HPSE2: variants seen among roughly 807,000 people sequenced by gnomAD.
HPSE2 encodes the protein inactive heparanase-2.
Under a neutral mutation model 60.5 loss-of-function variants are expected in HPSE2, and 38 were observed. That is an observed-to-expected ratio of 0.63 (90% confidence interval 0.48 to 0.82). The LOEUF (loss-of-function observed/expected upper bound fraction) is 0.82, where lower values mean the gene tolerates loss of function less well. Ranked by LOEUF, HPSE2 falls within the 40% of genes least tolerant of loss-of-function variation. HPSE2 has a pLI of 0.00. For synonymous variants in HPSE2, 295 were observed against 293.2 expected, an observed-to-expected ratio of 1.01 and a Z score of -0.06; for missense variants, 713 against 740.4, an observed-to-expected ratio of 0.96 and a Z score of 0.43.
intron 2 of HPSE2, among the ~76,000 whole-genome samples, chr10:99,158,984 A>G (rs898271032): frequency 1.3e-5 from 2 of 152,176 alleles, no homozygotes; most frequent in African/African-American, 4.8e-5. Context: ...GTTTCAAAAG[A>G]TTCATGAGAC....
intron 3 of HPSE2, among the ~76,000 whole-genome samples, chr10:98,987,994 A>G (rs1032308324): frequency 1.3e-5 from 2 of 152,242 alleles, no homozygotes; most frequent in Admixed American, 6.5e-5. Flanking sequence ...GAAATAAAAT[A>G]GGATACAAAC....
chr10:98,547,403 C>T (rs1425222456), intron 9 of HPSE2, among the ~76,000 whole-genome samples: 6 of 150,666 alleles, frequency 4.0e-5, no homozygotes, highest in Non-Finnish European at 7.4e-5. Context: ...TTGGAACCAA[C>T]CCAAATGTCC....
At position 99,068,287 on chromosome 10, in the gene HPSE2, C is replaced by A. The variant is rs867667939; in HGVS notation, c.610+75951G>T. ...ACAGCAGCGCCCCACTACTCGGTACCAATTTACTGTCTAAGTCTGTTCTCA... is the reference window on the plus strand; with the variant it reads ...ACAGCAGCGCCCCACTACTCGGTACAAATTTACTGTCTAAGTCTGTTCTCA... On this transcript the variant is annotated intron_variant, in intron 3 of 11. Transcript: ENST00000370552. 2.0e-5 allele frequency among the ~76,000 whole-genome samples: 3 copies of A among 152,150 alleles called. No individual in the cohort carries two copies. In the South Asian group the frequency reaches 6.2e-4, roughly 32 times the overall value.
intron 3 of HPSE2, among the ~76,000 whole-genome samples, chr10:98,910,444 T>A (rs1590061210): frequency 2.0e-5 from 3 of 152,344 alleles, no homozygotes; most frequent in Middle Eastern, 3.4e-3. Context: ...GCCAGCAATG[T>A]TCCATTTCTT....
the HPSE2 span, among the ~76,000 whole-genome samples, chr10:99,276,799 T>C: frequency 1.3e-5 from 2 of 152,270 alleles, no homozygotes; most frequent in Non-Finnish European, 2.9e-5. Flanking sequence ...AGTACCCTAG[T>C]ATGTCAAATT....
intron 2 of HPSE2, among the ~76,000 whole-genome samples, chr10:99,209,817 G>A (rs1176993782): frequency 6.6e-6 from 1 of 152,114 alleles, no homozygotes; most frequent in Non-Finnish European, 1.5e-5. Context: ...AGCCTCCCAA[G>A]TAGCTGGGAC....
chr10:98,633,828 G>C (rs1283912352), intron 7 of HPSE2, among the ~76,000 whole-genome samples: 3 of 152,026 alleles, frequency 2.0e-5, no homozygotes, highest in Non-Finnish European at 4.4e-5. Flanking sequence ...CCTGCTCTTG[G>C]GAAAGGATCT....
intron 3 of HPSE2, among the ~76,000 whole-genome samples, chr10:98,749,947 T>TATATATATATATATATACACAC: frequency 1.8e-3 from 179 of 98,452 alleles, no homozygotes; most frequent in Non-Finnish European, 2.5e-3. Flanking sequence ...TATATATATA[T>TATATATATATATATATACACAC]ACACACACAC....
At chr10:99,240,409 CT>C (rs1300852308), upstream of HPSE2, among the ~76,000 whole-genome samples, 1,954 of 117,176 alleles carry the variant, frequency 0.017, 63 homozygotes, top group East Asian at 0.15. Context: ...CAATGATTTT[CT>C]TTTTTTTTTT....
At chr10:98,802,553 G>T (rs531318008) in intron 3 of HPSE2, among the ~76,000 whole-genome samples, 9,078 of 141,420 alleles carry the variant, frequency 0.064, 919 homozygotes, top group African/African-American at 0.22. Flanking sequence ...TCCCACCTAT[G>T]AGTGAGAATA....
rs181827755 is a variant in HPSE2 at position 99,039,903 on chromosome 10, G to A, written c.610+104335C>T. ...GCCAAACAAAAATAACCAGAGTCAG[G>A]GCTGTATATTTACTCACCCTTAATT... is the stretch of plus-strand genomic sequence containing the variant. On this transcript the variant is annotated intron_variant, in intron 3 of 11. Coordinates refer to ENST00000370552, the MANE Select transcript of HPSE2 (RefSeq NM_021828.5). Among the ~76,000 whole-genome samples the A allele has an allele frequency of 1.4e-3, 218 of 152,172 alleles. 3 individuals are homozygous for A. The highest frequency in any genetic ancestry group is 4.9e-3 in the African/African-American group (205 of 41,532).
intron 4 of HPSE2, among the ~76,000 whole-genome samples, chr10:98,735,822 A>C (rs1285971972): frequency 6.6e-6 from 1 of 152,124 alleles, no homozygotes; most frequent in East Asian, 1.9e-4. Flanking sequence ...TCTACCATTT[A>C]TCTAGGAAGT....
intron 9 of HPSE2, among the ~76,000 whole-genome samples, chr10:98,493,908 T>C (rs1006217927): frequency 5.9e-5 from 9 of 152,256 alleles, no homozygotes; most frequent in Non-Finnish European, 1.3e-4. Context: ...TATTTTTTAG[T>C]GAAATGTTTA....
At chr10:98,949,551 A>T (rs1955293435) in intron 3 of HPSE2, among the ~76,000 whole-genome samples, 1 of 152,194 alleles carries the variant, frequency 6.6e-6, no homozygotes, top group Non-Finnish European at 1.5e-5. Context: ...GAATCAGGCA[A>T]TTCTTACAAC....
the HPSE2 span, among the ~76,000 whole-genome samples, chr10:99,265,604 G>C: frequency 2.5e-4 from 38 of 152,206 alleles, no homozygotes; most frequent in Non-Finnish European, 5.0e-4. Context: ...GAAGAAAGGA[G>C]TGAAAGCGAA....
rs141450327 is a variant in HPSE2, at chr10:98,597,118, G to A, written c.1320+17786C>T. Among the ~76,000 whole-genome samples the A allele has an allele frequency of 2.0e-5, 3 of 151,908 alleles. No individual in the cohort carries two copies. In the East Asian group the frequency reaches 5.8e-4, roughly 29 times the overall value. On this transcript the variant is annotated intron_variant, in intron 9 of 11. Coordinates refer to ENST00000370552, the MANE Select transcript of HPSE2 (RefSeq NM_021828.5). Reference sequence around the variant, plus strand: ...TTACTCACTATCATGAGAACAGCATGGGGGAAACTGCCCCCATGATTCAAT... The same window carrying A: ...TTACTCACTATCATGAGAACAGCATAGGGGAAACTGCCCCCATGATTCAAT...
At chr10:98,638,337 C>T (rs938654930) in intron 7 of HPSE2, among the ~76,000 whole-genome samples, 8 of 151,384 alleles carry the variant, frequency 5.3e-5, no homozygotes, top group Admixed American at 2.0e-4. Flanking sequence ...CCCAGCTACT[C>T]GGGAGGCTGC....
At chr10:99,305,618 G>T in the HPSE2 span, among the ~76,000 whole-genome samples, 3 of 152,142 alleles carry the variant, frequency 2.0e-5, no homozygotes, top group African/African-American at 7.2e-5. Context: ...GAGTTGGGGT[G>T]TTATTATTTT....
intron 3 of HPSE2, among the ~76,000 whole-genome samples, chr10:98,826,792 C>T (rs1435390329): frequency 6.6e-6 from 1 of 152,130 alleles, no homozygotes; most frequent in Non-Finnish European, 1.5e-5. Flanking sequence ...GCTCAAGCTG[C>T]CCAGTTGGAT....
Sources: gnomAD v4.1 joint callset for allele counts (sites outside exome capture counted in the v4.1 genomes callset) on GRCh38, gnomAD v4.1.1 for gene constraint, MANE v1.5 for transcripts, NCBI Gene and HGNC (gene_info 2026-07-23, HGNC 2026-07-21) for gene names.